Variants in UTRN observed in about 807,000 individuals in gnomAD.
UTRN encodes the protein utrophin.
UTRN carries 283 observed loss-of-function variants against 463.9 expected under a neutral mutation model. The observed-to-expected ratio is 0.61, with a 90% CI of 0.55 to 0.67. The LOEUF is 0.67. Ranked by LOEUF, UTRN falls within the 30% of genes least tolerant of loss-of-function variation. UTRN has a pLI of 0.00. For synonymous variants in UTRN, 1,442 were observed against 1,431.5 expected (o/e 1.01, Z -0.17); for missense variants, 3,922 against 4,084.3 (o/e 0.96, Z 1.08).
rs1006597078 is a variant in UTRN at position 144,551,230 on chromosome 6, A to G, written c.6928+148A>G. ...TAGTGTTTAATATTTGTTACTCTTT[A>G]TTTATACAGAAATGTAGCTTTCCCT... On this transcript the variant is annotated intron_variant, in intron 48 of 74. Transcript: ENST00000367545. 1.3e-5 allele frequency: 7 copies of G among 542,178 alleles called. No homozygotes were observed. In the African/African-American group the frequency reaches 1.4e-4, roughly 11 times the overall value. The allele number at this position is 542,178 out of a possible 1,614,324, so 33.6% of individuals were successfully genotyped here.
intron 2 of UTRN, among the ~76,000 whole-genome samples, chr6:144,378,284 A>C (rs1780630793): frequency 1.3e-5 from 2 of 152,230 alleles, no homozygotes; most frequent in South Asian, 4.1e-4. Context: ...GTTTAGACTT[A>C]ATAAACACTT....
intron 35 of UTRN, among the ~76,000 whole-genome samples, chr6:144,511,465 T>C (rs1173403463): frequency 1.3e-5 from 2 of 152,228 alleles, no homozygotes; most frequent in Non-Finnish European, 2.9e-5. Flanking sequence ...AGTGTTTGAA[T>C]AATGGCATAC....
At chr6:144,792,490 C>T (rs62427231) in intron 62 of UTRN, among the ~76,000 whole-genome samples, 16,741 of 151,494 alleles carry the variant, frequency 0.11, 1,629 homozygotes, top group Admixed American at 0.32. Flanking sequence ...GAGGTTGCAG[C>T]GAGCCAAGAT....
chr6:144,601,726 G>C (rs1447375455), intron 51 of UTRN, among the ~76,000 whole-genome samples: 1 of 152,174 alleles, frequency 6.6e-6, no homozygotes. Context: ...AACAAATCCA[G>C]TTGTGAAACA....
chr6:144,571,169 C>A (rs2128621958), intron 50 of UTRN, among the ~76,000 whole-genome samples: 1 of 152,196 alleles, frequency 6.6e-6, no homozygotes, highest in Non-Finnish European at 1.5e-5. Context: ...CTCCTTTAAT[C>A]TTTGTTTTCT....
At chr6:144,381,368 C>A (rs1197924845) in intron 2 of UTRN, among the ~76,000 whole-genome samples, 2 of 152,230 alleles carry the variant, frequency 1.3e-5, no homozygotes, top group African/African-American at 4.8e-5. Flanking sequence ...CATTTTATGG[C>A]TGCATAGTAT....
At chr6:144,341,579 A>T (rs1371796548) in intron 2 of UTRN, among the ~76,000 whole-genome samples, 1 of 152,194 alleles carries the variant, frequency 6.6e-6, no homozygotes, top group Non-Finnish European at 1.5e-5. Context: ...CTACCTTCAA[A>T]ATTTGAGATC....
intron 51 of UTRN, among the ~76,000 whole-genome samples, chr6:144,626,797 G>A (rs1487123329): frequency 1.3e-5 from 2 of 152,052 alleles, no homozygotes; most frequent in African/African-American, 2.4e-5. Context: ...GCGCCACCAC[G>A]CCCACCTAAT....
intron 2 of UTRN, among the ~76,000 whole-genome samples, chr6:144,390,429 C>A (rs377296105): frequency 3.3e-5 from 5 of 152,302 alleles, no homozygotes; most frequent in South Asian, 2.1e-4. Context: ...CACTAAAGCA[C>A]CCTTCTGATC....
At chr6:144,649,331 C>T (rs1345291765) in intron 51 of UTRN, among the ~76,000 whole-genome samples, 1 of 152,124 alleles carries the variant, frequency 6.6e-6, no homozygotes. Context: ...TATTGTGGCA[C>T]CTTGAAAGTT....
intron 34 of UTRN, among the ~76,000 whole-genome samples, chr6:144,506,983 A>G (rs1437035334): frequency 6.6e-6 from 1 of 151,488 alleles, no homozygotes; most frequent in African/African-American, 2.4e-5. Flanking sequence ...TTTTTCTCTA[A>G]TCTTATCTTC....
Position 144,730,345 on chromosome 6 carries a change from C to T in UTRN, c.7810-12C>T. On this transcript the variant is annotated splice_polypyrimidine_tract_variant and intron_variant, in intron 53 of 74. Transcript: ENST00000367545. ...GAGGTTACAAACTCAACTTTTGCTTCTCTTTTGAAAGGCCCTGAGACGGGA... is the reference window on the plus strand; with the variant it reads ...GAGGTTACAAACTCAACTTTTGCTTTTCTTTTGAAAGGCCCTGAGACGGGA... The T allele has an allele frequency of 1.3e-6, 2 of 1,564,946 alleles. No homozygotes were observed. The highest frequency in any genetic ancestry group is 2.4e-5 in the East Asian group (1 of 41,888).
At chr6:144,812,794 G>A (rs78078077) in intron 65 of UTRN, among the ~76,000 whole-genome samples, 2,933 of 152,200 alleles carry the variant, frequency 0.019, 84 homozygotes, top group African/African-American at 0.064. Flanking sequence ...GTATCACAGG[G>A]TACATTTTAT....
chr6:144,682,755 A>G (rs1782339490), intron 52 of UTRN, among the ~76,000 whole-genome samples: 1 of 152,224 alleles, frequency 6.6e-6, no homozygotes, highest in South Asian at 2.1e-4. Flanking sequence ...GAATAAGATA[A>G]AATTAAAATA....
chr6:144,343,034 C>T (rs985655543), intron 2 of UTRN, among the ~76,000 whole-genome samples: 5 of 151,918 alleles, frequency 3.3e-5, no homozygotes, highest in African/African-American at 1.2e-4. Context: ...AAGGAAAATG[C>T]AGAGATGAGG....
At chr6:144,815,876 A>G (rs1353028671) in intron 65 of UTRN, among the ~76,000 whole-genome samples, 1 of 152,242 alleles carries the variant, frequency 6.6e-6, no homozygotes, top group Non-Finnish European at 1.5e-5. Flanking sequence ...AGTATTAACC[A>G]TCACAAAGTA....
At chr6:144,836,722 C>A in intron 71 of UTRN, 181 bp downstream of exon 71, 1 of 931,666 alleles carries the variant, frequency 1.1e-6, no homozygotes, top group Non-Finnish European at 1.5e-6. Context: ...CTCATTGGCA[C>A]ACAAAAATGT....
At chr6:144,389,003 G>A (rs889346828) in intron 2 of UTRN, among the ~76,000 whole-genome samples, 1 of 152,186 alleles carries the variant, frequency 6.6e-6, no homozygotes, top group African/African-American at 2.4e-5. Context: ...ATTTTGCTAA[G>A]ATTGAGAGTG....
Position 144,461,244 on chromosome 6 carries a change from C to T in UTRN, c.2755C>T (p.Leu919=). ...TGCATATCTGGAAACATTGAAAACA[C>T]TGAAAGATGTGCTAAATGATTCAGA... ...GHAYLETLKT[L]KDVLNDSENK... The change falls in exon 22 of 75, where the codon CTG becomes TTG. Residue 919 remains leucine (L), a synonymous_variant. Transcript: ENST00000367545. 1.2e-6 allele frequency: 2 copies of T among 1,609,356 alleles called. No homozygotes were observed. The highest frequency in any genetic ancestry group is 1.7e-6 in the Non-Finnish European group (2 of 1,177,172).
Sources: allele counts gnomAD v4.1 joint callset (sites outside exome capture counted in the v4.1 genomes callset), GRCh38; gene constraint gnomAD v4.1.1; transcripts MANE v1.5; gene names NCBI Gene and HGNC (gene_info 2026-07-23, HGNC 2026-07-21).